CCT6A: variants seen among roughly 807,000 people sequenced by gnomAD.
CCT6A encodes the protein chaperonin containing TCP1 subunit 6A.
A neutral mutation model predicts 58.6 loss-of-function variants in CCT6A; 6 were observed. The ratio of observed to expected loss-of-function variants is 0.10; its 90% CI spans 0.06 to 0.20. The LOEUF (loss-of-function observed/expected upper bound fraction) is 0.20, where lower values mean the gene tolerates loss of function less well. Among genes scored for constraint, CCT6A ranks in the 10% least tolerant of loss-of-function variants. The pLI, the probability that CCT6A is intolerant of heterozygous loss-of-function variation, is 1.00. For synonymous variants in CCT6A, 245 were observed against 227.8 expected (o/e 1.08, Z -0.68); for missense variants, 516 against 648.8 (o/e 0.80, Z 2.22).
intron 6 of CCT6A, 122 bp downstream of exon 6, chr7:56,058,225 A>C: frequency 1.2e-6 from 1 of 863,936 alleles, no homozygotes; most frequent in South Asian, 1.6e-5. Flanking sequence ...TGGGGGAGCT[A>C]TAGGAAACAG....
intron 13 of CCT6A, 76 bp downstream of exon 13, chr7:56,062,831 C>A: frequency 7.7e-7 from 1 of 1,304,020 alleles, no homozygotes; most frequent in South Asian, 1.2e-5. Context: ...TTTAGTTGCT[C>A]CTTTCCCCCA....
chr7:56,052,288 G>A (rs1584542714), intron 1 of CCT6A, 134 bp from the exon 2 acceptor site: 3 of 790,044 alleles, frequency 3.8e-6, no homozygotes, highest in African/African-American at 1.7e-5. Context: ...CACTACACCT[G>A]TCCTCCATCC....
At chr7:56,058,795 A>T (rs1794368767) in intron 8 of CCT6A, 93 bp downstream of exon 8, 1 of 758,690 alleles carries the variant, frequency 1.3e-6, no homozygotes, top group African/African-American at 1.7e-5. Flanking sequence ...TCAACTGTAT[A>T]GTTAATTGGC....
Position 56,063,833 on chromosome 7 carries a change from T to C in CCT6A, c.*748T>C, listed in dbSNP as rs1292515192. On this transcript the variant is annotated 3_prime_UTR_variant, in exon 14 of 14. Transcript: ENST00000275603. The stretch of plus-strand genomic sequence containing the variant: ...TCATCGCAAAGTCTCTAGCGTCATA[T>C]TTTTCTCACCCAAATTACGTTTCCA... 5.9e-6 allele frequency: 1 copy of C among 170,722 alleles called. No homozygotes were observed. The highest frequency in any genetic ancestry group is 1.2e-5 in the Non-Finnish European group (1 of 80,050). The allele number at this position is 170,722 out of a possible 1,614,324, so 10.6% of individuals were successfully genotyped here. A position where few individuals can be genotyped will look rare whatever the true frequency, so the allele number is the denominator to read the frequency against.
chr7:56,056,030 GA>G (rs1194764275), intron 4 of CCT6A, among the ~76,000 whole-genome samples: 12 of 152,128 alleles, frequency 7.9e-5, no homozygotes, highest in African/African-American at 2.4e-4. Context: ...ATAAAGTGGA[GA>G]TTTTTTTATT....
intron 5 of CCT6A, among the ~76,000 whole-genome samples, chr7:56,057,525 T>A (rs977239461): frequency 6.6e-6 from 1 of 152,162 alleles, no homozygotes; most frequent in African/African-American, 2.4e-5. Flanking sequence ...CATCACAGTT[T>A]GACAGCCTAC....
In CCT6A at chr7:56,058,021, G is replaced by A. The variant is rs1794351825; in HGVS notation, c.643G>A (p.Gly215Arg). The A allele has an allele frequency of 1.9e-6, 3 of 1,612,142 alleles. No homozygotes were observed. The highest frequency in any genetic ancestry group is 2.5e-6 in the Non-Finnish European group (3 of 1,178,368). The change falls in exon 6 of 14, where the codon GGA becomes AGA. Residue 215 changes from glycine to arginine, a missense_variant. Gly to Arg is a moderately radical substitution (Grantham distance 125). Around this residue, in one of 3 missense-constraint regions of CCT6A, gnomAD observed 315 missense variants for 389.4 expected, o/e 0.81. Coordinates refer to ENST00000275603, the MANE Select transcript of CCT6A (RefSeq NM_001762.4). Reference sequence around the variant, plus strand: ...AATCAGAGGGCTTGTTTTGGACCACGGAGCACGGCATCCTGATATGAAGAA... The same window carrying A: ...AATCAGAGGGCTTGTTTTGGACCACAGAGCACGGCATCCTGATATGAAGAA... ...SLIRGLVLDHGARHPDMKKRV... is the reference protein window; with the variant it reads ...SLIRGLVLDHRARHPDMKKRV...
chr7:56,056,396 A>G lies in CCT6A; in HGVS notation c.596A>G (p.Lys199Arg). 2 of 1,543,982 alleles carry G rather than the reference A, an allele frequency of 1.3e-6. No individual in the cohort carries two copies. The highest frequency in any genetic ancestry group is 1.8e-6 in the Non-Finnish European group (2 of 1,116,052). ...FMIEIMEMKH[K>R]SETDTSLIRG... ...ATTGAGATCATGGAGATGAAACATA[A>G]ATCTGAAACTGATACAAGGTAGGTG... Residue 199 changes from lysine (K) to arginine (R), a missense_variant, in exon 5 of 14, where the codon AAA (lysine) becomes AGA (arginine). This residue lies in a region of CCT6A where 85 missense variants were observed against 74.9 expected (regional missense o/e 1.13). Coordinates refer to ENST00000275603, the MANE Select transcript of CCT6A (RefSeq NM_001762.4).
chr7:56,057,133 A>G (rs1284374072), intron 5 of CCT6A, among the ~76,000 whole-genome samples: 4 of 152,110 alleles, frequency 2.6e-5, no homozygotes, highest in African/African-American at 7.2e-5. Context: ...TTACCTGAAG[A>G]TATAAGTTGG....
chr7:56,057,916 C>T (rs1177004052), intron 5 of CCT6A, 77 bp from the exon 6 acceptor site: 36 of 799,492 alleles, frequency 4.5e-5, no homozygotes, highest in Admixed American at 5.9e-5. Context: ...AATATCAATA[C>T]CTTCTCATTT....
At chr7:56,054,746 G>A (rs1222314669) in intron 3 of CCT6A, among the ~76,000 whole-genome samples, 1 of 152,126 alleles carries the variant, frequency 6.6e-6, no homozygotes, top group Non-Finnish European at 1.5e-5. Context: ...TGTCTTTAGT[G>A]TAGATTAATA....
At chr7:56,059,312 C>T (rs1488464836) in intron 8 of CCT6A, among the ~76,000 whole-genome samples, 1 of 152,098 alleles carries the variant, frequency 6.6e-6, no homozygotes, top group Non-Finnish European at 1.5e-5. Flanking sequence ...ATAAAGAGCT[C>T]TTGTCCACCT....
intron 8 of CCT6A, 44 bp downstream of exon 8, chr7:56,058,746 G>T: frequency 8.6e-7 from 1 of 1,165,886 alleles, no homozygotes. Context: ...AAGTGAATTG[G>T]GATTATTTCT....
chr7:56,058,856 C>T, intron 8 of CCT6A, 154 bp downstream of exon 8: 1 of 501,140 alleles, frequency 2.0e-6, no homozygotes, highest in Non-Finnish European at 3.6e-6. Context: ...ATCTCTAGGA[C>T]TTTTTTCATC....
Position 56,063,110 on chromosome 7 carries a change from T to A in CCT6A, c.*25T>A. On this transcript the variant is annotated 3_prime_UTR_variant, in exon 14 of 14. Transcript: ENST00000275603. ...AATTGAAGCTTCCTCTGTATCTGAA[T>A]CTTGAAGACTGCAAAGTGATCCTGA... 6.9e-7 allele frequency: 1 copy of A among 1,454,360 alleles called. No individual in the cohort carries two copies. The highest frequency in any genetic ancestry group is 9.7e-7 in the Non-Finnish European group (1 of 1,034,112). The allele number at this position is 1,454,360 out of a possible 1,614,324, so 90.1% of individuals were successfully genotyped here.
chr7:56,055,476 AAATGTATTCAG>A (rs1794286102), intron 3 of CCT6A, 137 bp from the exon 4 acceptor site: 1 of 728,812 alleles, frequency 1.4e-6, no homozygotes, highest in South Asian at 1.7e-5. Flanking sequence ...TTGTCCTTTT[AAATGTATTCAG>A]AAAGCCAGCA....
chr7:56,057,401 C>T (rs1794332044), intron 5 of CCT6A, among the ~76,000 whole-genome samples: 2 of 151,416 alleles, frequency 1.3e-5, no homozygotes, highest in Non-Finnish European at 2.9e-5. Context: ...ATGGAGTCTC[C>T]CTATGTTGCC....
Position 56,062,700 on chromosome 7 carries a change from G to A in CCT6A, c.1468G>A (p.Ala490Thr). 1.2e-6 allele frequency: 2 copies of A among 1,614,024 alleles called. No homozygotes were observed. The highest frequency in any genetic ancestry group is 1.7e-6 in the Non-Finnish European group (2 of 1,179,880). ...DLNTGEPMVA[A>T]EVGVWDNYCV... ...CCTTTTAGGTGAGCCAATGGTGGCA[G>A]CAGAAGTAGGCGTATGGGATAACTA... The change falls in exon 13 of 14, where the codon GCA becomes ACA. Residue 490 changes from alanine (A) to threonine (T), a missense_variant. Ala to Thr is a moderately conservative substitution (Grantham distance 58, BLOSUM62 0). This residue lies in a region of CCT6A where 315 missense variants were observed against 389.4 expected (regional missense o/e 0.81). Transcript: ENST00000275603.
intron 11 of CCT6A, 66 bp from the exon 12 acceptor site, chr7:56,061,668 CTTTTTTTTTTTTT>C (rs71015174): frequency 1.9e-4 from 58 of 312,624 alleles, no homozygotes; most frequent in South Asian, 5.9e-4. Flanking sequence ...TTTCTTTTTT[CTTTTTTTTTTTTT>C]TTTTTTTTTT....
Sources: gnomAD v4.1 joint callset for allele counts (sites outside exome capture counted in the v4.1 genomes callset) on GRCh38, gnomAD v4.1.1 for gene constraint, gnomAD v4.1.1 regional missense constraint, MANE v1.5 for transcripts, NCBI Gene and HGNC (gene_info 2026-07-23, HGNC 2026-07-21) for gene names.